The following FOXN3 variants were observed in gnomAD, a reference collection of about 807,000 sequenced individuals.
FOXN3 encodes forkhead box protein N3.
FOXN3 carries 7 observed loss-of-function variants against 38.4 expected under a neutral mutation model. The ratio of observed to expected loss-of-function variants is 0.18; its 90% CI spans 0.10 to 0.34. The LOEUF (loss-of-function observed/expected upper bound fraction) is 0.34. Among genes scored for constraint, FOXN3 ranks in the 10% least tolerant of loss-of-function variants. The pLI, the probability that FOXN3 is intolerant of heterozygous loss-of-function variation, is 1.00. For missense variants in FOXN3, 456 were observed against 613.4 expected (o/e 0.74, Z 2.71); for synonymous variants, 230 against 242.2 (o/e 0.95, Z 0.47).
At chr14:89,284,143 GC>G (rs1165026119) in intron 3 of FOXN3, among the ~76,000 whole-genome samples, 1 of 152,090 alleles carries the variant, frequency 6.6e-6, no homozygotes, top group Non-Finnish European at 1.5e-5. Context: ...TGCTGGGATT[GC>G]AGGGGTGAGC....
intron 1 of FOXN3, among the ~76,000 whole-genome samples, chr14:89,467,485 T>C (rs1892993680): frequency 6.6e-6 from 1 of 151,836 alleles, no homozygotes. Context: ...ATTTAAATGG[T>C]CCACCTAATC....
At chr14:89,503,321 A>C (rs1483784940) in intron 1 of FOXN3, among the ~76,000 whole-genome samples, 1 of 152,112 alleles carries the variant, frequency 6.6e-6, no homozygotes. Flanking sequence ...GAAAAAAAAA[A>C]CCCATACAGC....
At position 89,162,647 on chromosome 14, in the gene FOXN3, ACCCGCTGTC is replaced by A. The variant is rs772189579; in HGVS notation, c.1165_1173del (p.Asp389_Gly391del). ...TGGCGCTTCTTGTGCTGGGATGCGT[ACCCGCTGTC>A]CCCCAGAGAATCCTTGGGCTCCTTC... On this transcript the variant is annotated inframe_deletion, in exon 6 of 6. Coordinates refer to ENST00000557258, the MANE Select transcript of FOXN3 (RefSeq NM_005197.4). This position sits in a 1 kb window ranked among gnomAD's most constrained non-coding sequence, Gnocchi z 7.2. The A allele has an allele frequency of 4.3e-6, 7 of 1,612,594 alleles. No individual in the cohort carries two copies. The highest frequency in any genetic ancestry group is 5.9e-6 in the Non-Finnish European group (7 of 1,179,718).
At chr14:89,378,025 C>T (rs1313779240) in intron 2 of FOXN3, among the ~76,000 whole-genome samples, 1 of 152,238 alleles carries the variant, frequency 6.6e-6, no homozygotes, top group Non-Finnish European at 1.5e-5. Flanking sequence ...TGATCTTGGA[C>T]TTCCAACATC....
At chr14:89,406,089 G>C (rs1434236156) in intron 2 of FOXN3, among the ~76,000 whole-genome samples, 1 of 152,122 alleles carries the variant, frequency 6.6e-6, no homozygotes, top group Non-Finnish European at 1.5e-5. Flanking sequence ...CGGGACTACA[G>C]GTGCGTGCCA....
At chr14:89,193,983 T>C (rs566767935) in intron 4 of FOXN3, among the ~76,000 whole-genome samples, 3 of 152,234 alleles carry the variant, frequency 2.0e-5, no homozygotes, top group Non-Finnish European at 4.4e-5. Context: ...TGGCCATTCG[T>C]ATCTTACATG....
chr14:89,520,919 G>C (rs1317275502), intron 1 of FOXN3, among the ~76,000 whole-genome samples: 1 of 152,158 alleles, frequency 6.6e-6, no homozygotes, highest in Admixed American at 6.6e-5. Context: ...AAAAAATCAT[G>C]CACATGATGT....
chr14:89,519,707 G>T (rs1424406858), intron 1 of FOXN3, among the ~76,000 whole-genome samples: 1 of 152,188 alleles, frequency 6.6e-6, no homozygotes, highest in African/African-American at 2.4e-5. Flanking sequence ...GGGGTGGAAG[G>T]GGGACAGTAA....
chr14:89,360,739 G>GCACCACCACCTCCAGCAC (rs1263303206), intron 2 of FOXN3, among the ~76,000 whole-genome samples: 1 of 64,964 alleles, frequency 1.5e-5, no homozygotes. Context: ...ACCACCTCCA[G>GCACCACCACCTCCAGCAC]CACCACCTCC....
At chr14:89,171,735 TTTG>T (rs1269348071) in intron 5 of FOXN3, among the ~76,000 whole-genome samples, 1 of 152,208 alleles carries the variant, frequency 6.6e-6, no homozygotes, top group Non-Finnish European at 1.5e-5. Context: ...ATAGAATAAT[TTTG>T]TTATGATAAA....
intron 3 of FOXN3, among the ~76,000 whole-genome samples, chr14:89,332,777 C>T (rs965877444): frequency 2.6e-5 from 4 of 152,058 alleles, no homozygotes; most frequent in African/African-American, 7.2e-5. Flanking sequence ...ACCTACAGGA[C>T]GGAGAAAATA....
intron 1 of FOXN3, among the ~76,000 whole-genome samples, chr14:89,571,439 G>A (rs368070566): frequency 1.1e-4 from 16 of 151,750 alleles, no homozygotes; most frequent in African/African-American, 2.9e-4. Context: ...AACCTGGGAG[G>A]TGGAGGTTGC....
intron 1 of FOXN3, among the ~76,000 whole-genome samples, chr14:89,446,222 T>C (rs1324135689): frequency 1.5e-4 from 21 of 136,500 alleles, no homozygotes; most frequent in Admixed American, 1.3e-3. Context: ...AGAGTCTCAC[T>C]CTGTTCCCCA....
intron 2 of FOXN3, among the ~76,000 whole-genome samples, chr14:89,352,210 A>G: frequency 6.6e-6 from 1 of 152,228 alleles, no homozygotes; most frequent in East Asian, 1.9e-4. Context: ...AGTTTAACCA[A>G]CCGGATGTTT....
chr14:89,547,956 T>C (rs1305494143), intron 1 of FOXN3, among the ~76,000 whole-genome samples: 1 of 152,164 alleles, frequency 6.6e-6, no homozygotes, highest in Non-Finnish European at 1.5e-5. Context: ...TTATCTCCTC[T>C]AGGAAATCTC....
At chr14:89,350,122 T>C (rs925750282) in intron 3 of FOXN3, among the ~76,000 whole-genome samples, 2 of 152,198 alleles carry the variant, frequency 1.3e-5, no homozygotes, top group African/African-American at 4.8e-5. Flanking sequence ...ATGACCTTAC[T>C]GTCTCAAACA....
chr14:89,191,478 C>T (rs373032907), intron 4 of FOXN3, among the ~76,000 whole-genome samples: 1 of 152,136 alleles, frequency 6.6e-6, no homozygotes, highest in Non-Finnish European at 1.5e-5. Flanking sequence ...CCTCTGTGTC[C>T]GCCAAACCCA....
intron 4 of FOXN3, among the ~76,000 whole-genome samples, chr14:89,271,046 C>T (rs1435922547): frequency 6.7e-6 from 1 of 149,428 alleles, no homozygotes; most frequent in Non-Finnish European, 1.5e-5. Flanking sequence ...CACATACCTG[C>T]ACACACACAC....
At chr14:89,557,429 C>T (rs1196571462) in intron 1 of FOXN3, among the ~76,000 whole-genome samples, 8 of 152,088 alleles carry the variant, frequency 5.3e-5, no homozygotes, top group African/African-American at 9.7e-5. Flanking sequence ...CAGTTCAGCA[C>T]GATCCTTGAA....
Sources: allele counts gnomAD v4.1 joint callset (sites outside exome capture counted in the v4.1 genomes callset), GRCh38; gene constraint gnomAD v4.1.1; non-coding constraint Gnocchi (gnomAD v3.1); transcripts MANE v1.5; gene names NCBI Gene and HGNC (gene_info 2026-07-23, HGNC 2026-07-21).